The following CTBS variants were observed in gnomAD, a reference collection of about 807,000 sequenced individuals.
The protein encoded by CTBS is chitobiase.
In CTBS, 35 loss-of-function variants were observed where a neutral mutation model predicts 44.3. The observed-to-expected ratio is 0.79, with a 90% CI of 0.60 to 1.05. The LOEUF is 1.05. Among genes scored for constraint, CTBS ranks in the 50% least tolerant of loss-of-function variants. The pLI is 0.00. For synonymous variants in CTBS, 143 were observed against 168.0 expected, an observed-to-expected ratio of 0.85 and a Z score of 1.15; for missense variants, 458 against 475.3, an observed-to-expected ratio of 0.96 and a Z score of 0.34.
chr1:84,562,773 T>A (rs1684618574), intron 6 of CTBS, among the ~76,000 whole-genome samples: 1 of 152,228 alleles, frequency 6.6e-6, no homozygotes, highest in Non-Finnish European at 1.5e-5. Flanking sequence ...CTTTATAATT[T>A]AATTATAAAA....
rs78934000 is a variant in CTBS at position 84,561,442 on chromosome 1, C to T, written c.957+1815G>A. On this transcript the variant is annotated intron_variant, in intron 6 of 6. Coordinates refer to ENST00000370630, the MANE Select transcript of CTBS (RefSeq NM_004388.3). ...TAGTTTCTTGAGAATGGAATCTATT[C>T]CTGGTAAAATGCTGTGAACATTGTT... Among the ~76,000 whole-genome samples, 1,235 of 152,244 alleles carry T rather than the reference C, an allele frequency of 8.1e-3. 55 individuals carry two copies. The East Asian group carries it at 0.13, about 16-fold the overall frequency.
chr1:84,570,465 T>G, intron 2 of CTBS, 117 bp downstream of exon 2: 3 of 819,578 alleles, frequency 3.7e-6, no homozygotes, highest in Middle Eastern at 2.6e-4. Context: ...AGATTAATTA[T>G]AGGATCCTAA....
chr1:84,566,089 ATT>A, intron 3 of CTBS, 77 bp from the exon 4 acceptor site: 1 of 860,440 alleles, frequency 1.2e-6, no homozygotes, highest in Non-Finnish European at 1.6e-6. Flanking sequence ...AATTATATAT[ATT>A]TTTTACCTTA....
chr1:84,550,170 T>C lies in CTBS; in HGVS notation c.*4829A>G, dbSNP rs1247795467. 1.3e-5 allele frequency: 3 copies of C among 234,032 alleles called. No individual in the cohort carries two copies. In the East Asian group the frequency reaches 2.3e-4, roughly 18 times the overall value. 14.5% of individuals were successfully genotyped at this position (234,032 alleles called of 1,614,324 possible). A position where few individuals can be genotyped will look rare whatever the true frequency, so the allele number is the denominator to read the frequency against. The stretch of plus-strand genomic sequence containing the variant: ...TTTAAAGTCTTGCTAATAACTAAGA[T>C]ATTATTCCTTTCATAGTAATAGTTG... On this transcript the variant is annotated 3_prime_UTR_variant, in exon 7 of 7. Transcript: ENST00000370630.
rs754822107 is a variant in CTBS at position 84,574,355 on chromosome 1, C to A, written c.61G>T (p.Gly21Cys). The A allele has an allele frequency of 4.5e-6, 7 of 1,566,820 alleles. No homozygotes were observed. In the South Asian group the frequency reaches 8.1e-5, roughly 18 times the overall value. The change falls in exon 1 of 7, where the codon GGT (glycine) becomes TGT (cysteine). Residue 21 changes from glycine to cysteine, a missense_variant. Transcript: ENST00000370630. ...LVSSPPSGVP[G>C]LALLALLALL... Reference sequence around the variant, plus strand: ...GCCAGCAGCGCCAGCAGCGCTAGACCCGGGACGCCGCTCGGCGGGCTAGAG... The same window carrying A: ...GCCAGCAGCGCCAGCAGCGCTAGACACGGGACGCCGCTCGGCGGGCTAGAG...
rs1169303303 is a variant in CTBS, at chr1:84,553,594, T to C, written c.*1405A>G. The stretch of plus-strand genomic sequence containing the variant: ...GGTATTGAAGTTGCATTCTGAGCTA[T>C]GATAGAGATAAGCATCTAAGAATTT... On this transcript the variant is annotated 3_prime_UTR_variant, in exon 7 of 7. Coordinates refer to ENST00000370630, the MANE Select transcript of CTBS (RefSeq NM_004388.3). The C allele has an allele frequency of 6.6e-6, 1 of 152,332 alleles. No homozygotes were observed. The highest frequency in any genetic ancestry group is 1.5e-5 in the Non-Finnish European group (1 of 68,158). The allele number at this position is 152,332 out of a possible 1,614,324, so 9.4% of individuals were successfully genotyped here. A position where few individuals can be genotyped will look rare whatever the true frequency, so the allele number is the denominator to read the frequency against.
chr1:84,565,130 T>C (rs1684666597), intron 4 of CTBS, among the ~76,000 whole-genome samples: 1 of 151,896 alleles, frequency 6.6e-6, no homozygotes. Flanking sequence ...GCTTGTGAGG[T>C]TGAGGCTGCA....
At chr1:84,573,723 A>T (rs560981287) in intron 1 of CTBS, among the ~76,000 whole-genome samples, 3 of 152,318 alleles carry the variant, frequency 2.0e-5, no homozygotes, top group Non-Finnish European at 4.4e-5. Context: ...ATGTAGATAG[A>T]AGGAAAATGT....
rs114002627 is a variant in CTBS at position 84,572,445 on chromosome 1, A to G, written c.178-1725T>C. Among the ~76,000 whole-genome samples, 955 of 152,138 alleles carry G rather than the reference A, an allele frequency of 6.3e-3. 8 individuals carry two copies. Among genetic ancestry groups the G allele is most frequent in the African/African-American group, 0.022 (906 of 41,532 alleles). On this transcript the variant is annotated intron_variant, in intron 1 of 6. Coordinates refer to ENST00000370630, the MANE Select transcript of CTBS (RefSeq NM_004388.3). ...GATATAACAGATATCCTTAAAAAAA[A>G]AAAAAGCTGGGTGAACTAATTGAAA...
chr1:84,557,858 A>C (rs1194373802), intron 6 of CTBS, among the ~76,000 whole-genome samples: 6 of 86,422 alleles, frequency 6.9e-5, no homozygotes, highest in Non-Finnish European at 1.6e-4. Context: ...ACTCCATCTC[A>C]AAAAAAAAAA....
intron 1 of CTBS, chr1:84,573,783 T>C: frequency 1.6e-6 from 1 of 627,942 alleles, no homozygotes; most frequent in Non-Finnish European, 2.0e-6. Flanking sequence ...TTGAGGTACT[T>C]TAAAGGAAAG....
At position 84,574,339 on chromosome 1, in the gene CTBS, G is replaced by GCCAGCAGCT; in HGVS notation, c.76_77insAGCTGCTGG (p.Leu25_Ala26insGluLeuLeu). The GCCAGCAGCT allele has an allele frequency of 6.4e-7, 1 of 1,573,252 alleles. No homozygotes were observed. The highest frequency in any genetic ancestry group is 1.2e-5 in the South Asian group (1 of 86,462). ...CCGCAGCGCCAGCAGCGCCAGCAGC[G>GCCAGCAGCT]CCAGCAGCGCTAGACCCGGGACGCC... On this transcript the variant is annotated inframe_insertion, in exon 1 of 7. Coordinates refer to ENST00000370630, the MANE Select transcript of CTBS (RefSeq NM_004388.3).
chr1:84,573,380 T>C (rs537178421), intron 1 of CTBS, among the ~76,000 whole-genome samples: 1 of 152,250 alleles, frequency 6.6e-6, no homozygotes, highest in Non-Finnish European at 1.5e-5. Context: ...AAGGTTATCC[T>C]ACTTTGTCTG....
At chr1:84,563,621 T>G in intron 5 of CTBS, 114 bp downstream of exon 5, 1 of 701,018 alleles carries the variant, frequency 1.4e-6, no homozygotes, top group Non-Finnish European at 2.2e-6. Context: ...TAAATAATTT[T>G]TATCTCAAAC....
rs1238651181 is a variant in CTBS, at chr1:84,574,266, G to A, written c.150C>T (p.Arg50=). Residue 50 remains arginine, a synonymous_variant, in exon 1 of 7, where the codon CGC becomes CGT. Coordinates refer to ENST00000370630, the MANE Select transcript of CTBS (RefSeq NM_004388.3). ...DCPCPEPELC[R]PIRHHPDFEV... ...CGAAATCTGGATGGTGGCGAATCGG[G>A]CGGCAGAGCTCAGGCTCCGGGCATG... The A allele has an allele frequency of 6.2e-6, 10 of 1,601,214 alleles. No homozygotes were observed. The highest frequency in any genetic ancestry group is 5.6e-5 in the South Asian group (5 of 89,266).
intron 4 of CTBS, among the ~76,000 whole-genome samples, chr1:84,564,969 G>A (rs944067722): frequency 1.4e-4 from 22 of 152,086 alleles, no homozygotes; most frequent in African/African-American, 3.6e-4. Flanking sequence ...AGCCCAGGAG[G>A]TCGAGGTTAC....
chr1:84,562,643 ACTTTT>A (rs1684616790), intron 6 of CTBS, among the ~76,000 whole-genome samples: 1 of 152,078 alleles, frequency 6.6e-6, no homozygotes, highest in South Asian at 2.1e-4. Context: ...GAAAACTGTA[ACTTTT>A]CTTTGCCATT....
In CTBS at chr1:84,550,540, A is replaced by T. The variant is rs201018725; in HGVS notation, c.*4459T>A. On this transcript the variant is annotated 3_prime_UTR_variant, in exon 7 of 7. Coordinates refer to ENST00000370630, the MANE Select transcript of CTBS (RefSeq NM_004388.3). ...CATAGTAGAAGTTAAGGTAATTTAC[A>T]TTTTTCCTAATCAGATTATTATAAC... is the stretch of plus-strand genomic sequence containing the variant. 4.6e-5 allele frequency: 69 copies of T among 1,506,586 alleles called. No homozygotes were observed. The highest frequency in any genetic ancestry group is 6.0e-5 in the Non-Finnish European group (68 of 1,125,014). The allele number at this position is 1,506,586 out of a possible 1,614,324, so 93.3% of individuals were successfully genotyped here. A position where few individuals can be genotyped will look rare whatever the true frequency, so the allele number is the denominator to read the frequency against.
chr1:84,558,262 T>C (rs1174079695), intron 6 of CTBS, among the ~76,000 whole-genome samples: 1 of 151,918 alleles, frequency 6.6e-6, no homozygotes, highest in African/African-American at 2.4e-5. Context: ...TTCTACACCA[T>C]AAATACAGAT....
Sources: gnomAD v4.1 joint callset for allele counts (sites outside exome capture counted in the v4.1 genomes callset) on GRCh38, gnomAD v4.1.1 for gene constraint, MANE v1.5 for transcripts, NCBI Gene and HGNC (gene_info 2026-07-23, HGNC 2026-07-21) for gene names.